ASZ1: variants seen among roughly 807,000 people sequenced by gnomAD.
ASZ1 encodes ankyrin repeat, SAM and basic leucine zipper domain-containing protein 1.
ASZ1 carries 67 observed loss-of-function variants against 61.8 expected under a neutral mutation model. The observed-to-expected ratio is 1.08, with a 90% CI of 0.89 to 1.33. The LOEUF is 1.33. ASZ1 is among the 40% of genes most tolerant of loss of function. The pLI, the probability that ASZ1 is intolerant of heterozygous loss-of-function variation, is 0.00. For synonymous variants in ASZ1, 193 were observed against 192.7 expected, an observed-to-expected ratio of 1.00 and a Z score of -0.01; for missense variants, 577 against 554.5, an observed-to-expected ratio of 1.04 and a Z score of -0.41.
chr7:117,383,253 C>T (rs1325757064), intron 6 of ASZ1, 143 bp from the exon 7 acceptor site: 3 of 986,066 alleles, frequency 3.0e-6, no homozygotes, highest in Non-Finnish European at 4.0e-6. Context: ...AATTTACTAC[C>T]CTGATAACAA....
chr7:117,398,269 C>T (rs1014228507), intron 4 of ASZ1, among the ~76,000 whole-genome samples: 1 of 152,160 alleles, frequency 6.6e-6, no homozygotes, highest in African/African-American at 2.4e-5. Flanking sequence ...GGATGTCTCA[C>T]GCTCAAGGCC....
intron 12 of ASZ1, among the ~76,000 whole-genome samples, 186 bp downstream of exon 12, chr7:117,367,166 C>T (rs1010944817): frequency 5.3e-5 from 8 of 152,230 alleles, no homozygotes; most frequent in Non-Finnish European, 8.8e-5. Flanking sequence ...TCTTTTAGTA[C>T]GCATTTGCTT....
At chr7:117,377,730 G>C (rs539803745) in intron 10 of ASZ1, among the ~76,000 whole-genome samples, 76 of 152,116 alleles carry the variant, frequency 5.0e-4, no homozygotes, top group Non-Finnish European at 7.8e-4. Context: ...AAAGGCTCTA[G>C]AAGAGCCAAG....
In ASZ1 at chr7:117,383,079, G is replaced by T; in HGVS notation, c.719C>A (p.Pro240Gln). 1.9e-6 allele frequency: 3 copies of T among 1,574,506 alleles called. No individual in the cohort carries two copies. In the South Asian group the frequency reaches 3.6e-5, roughly 19 times the overall value. The change falls in exon 7 of 13, where the codon CCA (proline) becomes CAA (glutamine). Residue 240 changes from proline to glutamine, a missense_variant. Physicochemically the swap from Pro to Gln is moderately conservative, Grantham distance 76. Coordinates refer to ENST00000284629, the MANE Select transcript of ASZ1 (RefSeq NM_130768.3). ...TAGCTGTTGAAGTTTTCCTTCCAATGGATTTAAAGTAAAAGAAAGTAAGTT... is the reference window on the plus strand; with the variant it reads ...TAGCTGTTGAAGTTTTCCTTCCAATTGATTTAAAGTAAAAGAAAGTAAGTT... ...IFNLLSFTLN[P>Q]LEGKLQQLTK...
Position 117,363,433 on chromosome 7 carries a change from A to G in ASZ1, c.*163T>C. ...ATAACAAATTGTATTTATAAGTCAA[A>G]GTAACAAACCACTTTTTAAAAAAAA... On this transcript the variant is annotated 3_prime_UTR_variant, in exon 13 of 13. Transcript: ENST00000284629. 1 of 472,204 alleles carries G rather than the reference A, an allele frequency of 2.1e-6. No individual in the cohort carries two copies. Among genetic ancestry groups the G allele is most frequent in the Non-Finnish European group, 3.4e-6 (1 of 290,550 alleles). 29.3% of individuals were successfully genotyped at this position (472,204 alleles called of 1,614,324 possible). A position where few individuals can be genotyped will look rare whatever the true frequency, so the allele number is the denominator to read the frequency against.
chr7:117,397,230 C>T (rs901121432), intron 4 of ASZ1, among the ~76,000 whole-genome samples: 5 of 151,248 alleles, frequency 3.3e-5, no homozygotes, highest in Non-Finnish European at 5.9e-5. Context: ...CGAACCGAAC[C>T]GAACCGAACC....
chr7:117,414,408 A>T (rs1796950631), intron 4 of ASZ1, among the ~76,000 whole-genome samples: 1 of 152,232 alleles, frequency 6.6e-6, no homozygotes, highest in South Asian at 2.1e-4. Context: ...ACTTTAAAGC[A>T]GATGAGAATT....
chr7:117,403,585 T>C (rs750893027), intron 4 of ASZ1, among the ~76,000 whole-genome samples: 2 of 152,184 alleles, frequency 1.3e-5, no homozygotes, highest in Non-Finnish European at 2.9e-5. Context: ...ACAGGAGCTA[T>C]ATATACTAAA....
At chr7:117,424,421 G>A (rs1797157656) in intron 2 of ASZ1, among the ~76,000 whole-genome samples, 1 of 152,194 alleles carries the variant, frequency 6.6e-6, no homozygotes, top group African/African-American at 2.4e-5. Context: ...TGAAAGTGAG[G>A]CATCAGCAGT....
At chr7:117,392,931 T>C (rs1463517708) in intron 4 of ASZ1, among the ~76,000 whole-genome samples, 8 of 151,866 alleles carry the variant, frequency 5.3e-5, no homozygotes, top group African/African-American at 1.4e-4. Context: ...ACTGCAACCT[T>C]TGCCTCCCAG....
At chr7:117,380,612 C>A (rs1457616557) in intron 9 of ASZ1, among the ~76,000 whole-genome samples, 1 of 151,370 alleles carries the variant, frequency 6.6e-6, no homozygotes, top group Non-Finnish European at 1.5e-5. Context: ...TTAGATAATA[C>A]TAGATGGCAA....
chr7:117,394,355 A>G (rs1796536522), intron 4 of ASZ1, among the ~76,000 whole-genome samples: 1 of 152,194 alleles, frequency 6.6e-6, no homozygotes, highest in Non-Finnish European at 1.5e-5. Flanking sequence ...AAGTACTGAG[A>G]TTACAGTGGT....
At chr7:117,424,952 C>T (rs914245935) in intron 2 of ASZ1, among the ~76,000 whole-genome samples, 4 of 152,126 alleles carry the variant, frequency 2.6e-5, no homozygotes, top group African/African-American at 9.7e-5. Flanking sequence ...GCCAACAACC[C>T]TTTGATATAA....
chr7:117,364,461 GAGAGA>G (rs1172434813), intron 12 of ASZ1, among the ~76,000 whole-genome samples: 2 of 151,946 alleles, frequency 1.3e-5, no homozygotes, highest in Non-Finnish European at 2.9e-5. Context: ...AAGTGAGAGA[GAGAGA>G]AAAGACTTAA....
intron 11 of ASZ1, 39 bp downstream of exon 11, chr7:117,368,573 G>T (rs1461659243): frequency 6.2e-7 from 1 of 1,600,026 alleles, no homozygotes; most frequent in South Asian, 1.1e-5. Context: ...GTTCTTCAGT[G>T]TTCATACTTT....
At chr7:117,421,243 C>T (rs1299868534) in intron 3 of ASZ1, among the ~76,000 whole-genome samples, 1 of 152,100 alleles carries the variant, frequency 6.6e-6, no homozygotes, top group Non-Finnish European at 1.5e-5. Flanking sequence ...GACAGTGTCT[C>T]ACTCTGTTGT....
At chr7:117,389,533 A>G (rs1415087163) in intron 4 of ASZ1, among the ~76,000 whole-genome samples, 1 of 152,142 alleles carries the variant, frequency 6.6e-6, no homozygotes, top group Non-Finnish European at 1.5e-5. Context: ...CCAGGGGCCA[A>G]TTTTGAAACA....
intron 10 of ASZ1, among the ~76,000 whole-genome samples, chr7:117,374,661 TTAAA>T (rs1796106132): frequency 6.6e-6 from 1 of 152,064 alleles, no homozygotes. Flanking sequence ...TTGTGATCTC[TTAAA>T]TCAACTAAAA....
At chr7:117,384,487 T>G (rs1400722897) in intron 6 of ASZ1, among the ~76,000 whole-genome samples, 1 of 152,176 alleles carries the variant, frequency 6.6e-6, no homozygotes, top group African/African-American at 2.4e-5. Context: ...AATAAGATTT[T>G]ATTACTCTTT....
Sources: allele counts gnomAD v4.1 joint callset (sites outside exome capture counted in the v4.1 genomes callset), GRCh38; gene constraint gnomAD v4.1.1; transcripts MANE v1.5; gene names NCBI Gene and HGNC (gene_info 2026-07-23, HGNC 2026-07-21).